Variants in TRPC4AP observed in about 807,000 individuals in gnomAD.
The protein encoded by TRPC4AP is short transient receptor potential channel 4-associated protein.
In TRPC4AP, 45 loss-of-function variants were observed where a neutral mutation model predicts 99.0. That is an observed-to-expected ratio of 0.45 (90% confidence interval 0.36 to 0.58). TRPC4AP has a LOEUF of 0.58. TRPC4AP is among the 20% of genes least tolerant of loss of function. The probability of loss-of-function intolerance (pLI) is 0.00; values close to 1 mark genes in which losing one functional copy is unlikely to be tolerated. For synonymous variants in TRPC4AP, 408 were observed against 385.8 expected (o/e 1.06, Z -0.67); for missense variants, 879 against 985.3 (o/e 0.89, Z 1.44).
intron 7 of TRPC4AP, among the ~76,000 whole-genome samples, chr20:35,041,661 T>C (rs2083449136): frequency 6.6e-6 from 1 of 152,266 alleles, no homozygotes; most frequent in African/African-American, 2.4e-5. Context: ...CTGGTTTTAC[T>C]TAAGTCAGTT....
chr20:35,034,841 A>G (rs1437241144), intron 8 of TRPC4AP, among the ~76,000 whole-genome samples: 1 of 152,174 alleles, frequency 6.6e-6, no homozygotes, highest in Admixed American at 6.5e-5. Flanking sequence ...CTAGGTTCCT[A>G]AGAATGCTCT....
chr20:35,078,020 G>GCC (rs112648423), intron 2 of TRPC4AP, 26 bp downstream of exon 2: 4 of 1,580,574 alleles, frequency 2.5e-6, no homozygotes, highest in Non-Finnish European at 8.6e-7. Flanking sequence ...CCCTGAATAC[G>GCC]CCCCTCCAAG....
chr20:35,035,156 G>T lies in TRPC4AP; in HGVS notation c.1018C>A (p.Arg340=). The part of the protein sequence containing the change: ...DNALVLDALM[R]VANEESEHNQ... ...TGCTCTGACTCCTCATTGGCCACTCGCATCAGGGCATCTAGCACCAAAGCA... is the reference window on the plus strand; with the variant it reads ...TGCTCTGACTCCTCATTGGCCACTCTCATCAGGGCATCTAGCACCAAAGCA... The change falls in exon 8 of 19, where the codon CGA becomes AGA. Residue 340 remains arginine (R), a synonymous_variant. Transcript: ENST00000252015. 2.5e-6 allele frequency: 4 copies of T among 1,613,762 alleles called. No individual in the cohort carries two copies. The highest frequency in any genetic ancestry group is 3.4e-6 in the Non-Finnish European group (4 of 1,179,864).
intron 1 of TRPC4AP, among the ~76,000 whole-genome samples, chr20:35,084,528 A>G (rs1158170545): frequency 2.0e-5 from 3 of 147,986 alleles, no homozygotes; most frequent in Non-Finnish European, 4.5e-5. Context: ...ATGTGTATAT[A>G]TGTATATATG....
At chr20:35,024,854 A>AAAAAAAAAAACAAAAAAACAT (rs1479270980) in intron 8 of TRPC4AP, among the ~76,000 whole-genome samples, 1 of 89,480 alleles carries the variant, frequency 1.1e-5, no homozygotes, top group African/African-American at 3.9e-5. Flanking sequence ...AAAAAAAAAA[A>AAAAAAAAAAACAAAAAAACAT]ATTCTGTTTA....
At chr20:35,090,474 A>G (rs1356562452) in intron 1 of TRPC4AP, among the ~76,000 whole-genome samples, 1 of 147,378 alleles carries the variant, frequency 6.8e-6, no homozygotes, top group Non-Finnish European at 1.5e-5. Flanking sequence ...CCCAGGTTCA[A>G]GCAATTCTCC....
At chr20:35,021,675 G>C (rs1483463670) in intron 8 of TRPC4AP, among the ~76,000 whole-genome samples, 3 of 152,144 alleles carry the variant, frequency 2.0e-5, no homozygotes, top group East Asian at 1.9e-4. Context: ...CAGACCCCCA[G>C]GAAGTGCCCA....
At chr20:35,088,947 G>T (rs1162636033) in intron 1 of TRPC4AP, among the ~76,000 whole-genome samples, 3 of 152,082 alleles carry the variant, frequency 2.0e-5, no homozygotes, top group African/African-American at 7.2e-5. Context: ...ATGGGAAGTT[G>T]TTCAATGGTA....
intron 1 of TRPC4AP, among the ~76,000 whole-genome samples, chr20:35,088,652 T>A (rs937039051): frequency 1.3e-5 from 2 of 152,184 alleles, no homozygotes; most frequent in African/African-American, 2.4e-5. Context: ...TATCATCACC[T>A]CTTTAGAAAT....
chr20:35,057,632 T>C, intron 3 of TRPC4AP, 61 bp from the exon 4 acceptor site: 1 of 1,434,450 alleles, frequency 7.0e-7, no homozygotes, highest in Middle Eastern at 2.3e-4. Flanking sequence ...ATAAAATGAT[T>C]TTGCCATAAC....
Position 35,017,032 on chromosome 20 carries a change from G to T in TRPC4AP, c.1219-893C>A, listed in dbSNP as rs544582022. On this transcript the variant is annotated intron_variant, in intron 9 of 18. Transcript: ENST00000252015. Reference sequence around the variant, plus strand: ...GCAAATCCATAATCCCTTTAAACCAGCAATTCCACTTTAGGAATTTACACT... The same window carrying T: ...GCAAATCCATAATCCCTTTAAACCATCAATTCCACTTTAGGAATTTACACT... Among the ~76,000 whole-genome samples, 34 of 152,182 alleles carry T rather than the reference G, an allele frequency of 2.2e-4. No homozygotes were observed. The South Asian group carries it at 2.5e-3, about 11-fold the overall frequency.
intron 3 of TRPC4AP, among the ~76,000 whole-genome samples, chr20:35,062,786 C>T (rs1190679124): frequency 2.0e-5 from 3 of 152,140 alleles, no homozygotes; most frequent in Non-Finnish European, 2.9e-5. Context: ...TGGTATATAA[C>T]TCTGACTATA....
chr20:35,047,529 T>A (rs1015095935), intron 6 of TRPC4AP, among the ~76,000 whole-genome samples: 4 of 152,178 alleles, frequency 2.6e-5, no homozygotes, highest in African/African-American at 9.7e-5. Context: ...AGAGACTTGG[T>A]TTCAGTTTTT....
chr20:35,037,865 T>C lies in TRPC4AP; in HGVS notation c.866-2557A>G, dbSNP rs547799296. The stretch of plus-strand genomic sequence containing the variant: ...TTAGTACAGAAACATGCTGTACAGG[T>C]TTGCAGCCTAAGTGTATCATGGGCT... On this transcript the variant is annotated intron_variant, in intron 7 of 18. Transcript: ENST00000252015. 7.9e-5 allele frequency among the ~76,000 whole-genome samples: 12 copies of C among 152,220 alleles called. No homozygotes were observed. In the South Asian group the frequency reaches 1.2e-3, roughly 16 times the overall value.
intron 3 of TRPC4AP, among the ~76,000 whole-genome samples, chr20:35,062,667 T>G (rs1280564676): frequency 1.3e-5 from 2 of 152,194 alleles, no homozygotes; most frequent in Admixed American, 1.3e-4. Flanking sequence ...AGTGGTTGCC[T>G]AAGGATGTGG....
chr20:35,014,061 G>A (rs1311296652), intron 10 of TRPC4AP, among the ~76,000 whole-genome samples: 1 of 152,198 alleles, frequency 6.6e-6, no homozygotes, highest in Non-Finnish European at 1.5e-5. Context: ...GGTATCCAAG[G>A]GGGAAACTAA....
At chr20:35,014,314 ATTT>A (rs66518839) in intron 10 of TRPC4AP, among the ~76,000 whole-genome samples, 2 of 113,184 alleles carry the variant, frequency 1.8e-5, no homozygotes, top group Non-Finnish European at 3.4e-5. Flanking sequence ...CTCAGGCAGA[ATTT>A]TTTTTTTTTT....
chr20:35,090,927 T>C (rs1429088984), intron 1 of TRPC4AP, among the ~76,000 whole-genome samples: 1 of 51,864 alleles, frequency 1.9e-5, no homozygotes, highest in Non-Finnish European at 3.5e-5. Context: ...AACATATGCC[T>C]TGTACCGTAC....
chr20:35,017,568 G>A (rs1228648347), intron 9 of TRPC4AP, among the ~76,000 whole-genome samples: 5 of 152,174 alleles, frequency 3.3e-5, no homozygotes, highest in African/African-American at 7.2e-5. Context: ...ACCAGTGCTC[G>A]CTTATTGCTA....
Sources: allele counts gnomAD v4.1 joint callset (sites outside exome capture counted in the v4.1 genomes callset), GRCh38; gene constraint gnomAD v4.1.1; transcripts MANE v1.5; gene names NCBI Gene and HGNC (gene_info 2026-07-23, HGNC 2026-07-21).